Variants in EXOC6 observed in about 807,000 individuals in gnomAD.
The protein encoded by EXOC6 is exocyst complex component 6, also known as SEC15-like 1.
Under a neutral mutation model 112.5 loss-of-function variants are expected in EXOC6, and 60 were observed. The ratio of observed to expected loss-of-function variants is 0.53; its 90% CI spans 0.43 to 0.66. EXOC6 has a LOEUF of 0.66. Among genes scored for constraint, EXOC6 ranks in the 30% least tolerant of loss-of-function variants. EXOC6 has a pLI of 0.00. For missense variants in EXOC6, 855 were observed against 957.1 expected (o/e 0.89, Z 1.41); for synonymous variants, 295 against 308.0 (o/e 0.96, Z 0.44).
chr10:92,836,225 G>A (rs1488645132), intron 1 of EXOC6, among the ~76,000 whole-genome samples: 6 of 152,148 alleles, frequency 3.9e-5, no homozygotes, highest in Admixed American at 3.9e-4. Flanking sequence ...TCACAACACT[G>A]GCCAACATCT....
At chr10:93,011,520 C>T (rs1844246475) in intron 19 of EXOC6, among the ~76,000 whole-genome samples, 1 of 151,868 alleles carries the variant, frequency 6.6e-6, no homozygotes, top group Admixed American at 6.6e-5. Flanking sequence ...CTTGGCTTCC[C>T]AAAATACTAG....
chr10:92,882,898 G>A (rs2133774303), intron 1 of EXOC6, among the ~76,000 whole-genome samples: 1 of 152,268 alleles, frequency 6.6e-6, no homozygotes, highest in Middle Eastern at 3.4e-3. Flanking sequence ...AGATTTACTA[G>A]AAACAACATG....
intron 13 of EXOC6, 39 bp from the exon 14 acceptor site, chr10:92,948,235 C>T: frequency 7.6e-7 from 1 of 1,322,446 alleles, no homozygotes; most frequent in South Asian, 1.3e-5. Flanking sequence ...TAATAATATG[C>T]TTTGTAATGA....
rs772225446 is a variant in EXOC6 at position 92,934,370 on chromosome 10, C to A, written c.1080C>A (p.Tyr360Ter). ...CCCAAGGATTAGTAACCAGGGCATACACTGATGAACTTTGGAACATGGCCC... is the reference window on the plus strand; with the variant it reads ...CCCAAGGATTAGTAACCAGGGCATAAACTGATGAACTTTGGAACATGGCCC... ...HVTQGLVTRAYTDELWNMALS... is the reference protein window; with the variant it reads ...HVTQGLVTRA Residue 360 changes from tyrosine (Y) to a stop codon, truncating the protein, a stop_gained, in exon 11 of 22, where the codon TAC (tyrosine) becomes TAA (stop). Coordinates refer to ENST00000260762, the MANE Select transcript of EXOC6 (RefSeq NM_019053.6). LOFTEE classifies it high-confidence loss of function. The A allele has an allele frequency of 6.2e-7, 1 of 1,604,964 alleles. No homozygotes were observed.
At chr10:92,858,027 C>T (rs1159886955) in intron 1 of EXOC6, among the ~76,000 whole-genome samples, 1 of 137,914 alleles carries the variant, frequency 7.3e-6, no homozygotes, top group African/African-American at 2.7e-5. Flanking sequence ...CGGGTTCCCC[C>T]CCTCCGCCGG....
chr10:92,933,993 ATTTACAGATATATCCC>A lies in EXOC6; in HGVS notation c.973-149_973-134del, dbSNP rs1589859473. 35 of 508,938 alleles carry A rather than the reference ATTTACAGATATATCCC, an allele frequency of 6.9e-5. No individual in the cohort carries two copies. The East Asian group carries it at 1.1e-3, about 17-fold the overall frequency. 31.5% of individuals were successfully genotyped at this position (508,938 alleles called of 1,614,324 possible). A position where few individuals can be genotyped will look rare whatever the true frequency, so the allele number is the denominator to read the frequency against. On this transcript the variant is annotated intron_variant, in intron 9 of 21. Transcript: ENST00000260762. ...TCCATGAGAGTAAGGACTTTTTGTT[ATTTACAGATATATCCC>A]TGGTACCTAAAAATGTACGTGGCAT...
At chr10:92,827,354 G>T (rs1846401500) in intron 1 of EXOC6, among the ~76,000 whole-genome samples, 1 of 151,358 alleles carries the variant, frequency 6.6e-6, no homozygotes, top group Non-Finnish European at 1.5e-5. Context: ...TATTCCTGTG[G>T]TTTCAGCTAC....
chr10:93,055,047 G>C (rs1846475787), intron 20 of EXOC6, among the ~76,000 whole-genome samples: 1 of 151,952 alleles, frequency 6.6e-6, no homozygotes, highest in African/African-American at 2.4e-5. Context: ...TCATTATGTT[G>C]CCCAGGGTGG....
chr10:92,896,181 ATTTTTTTTTTTTT>A lies in EXOC6; in HGVS notation c.412+1185_412+1197del, dbSNP rs58783356. On this transcript the variant is annotated intron_variant, in intron 4 of 21. Coordinates refer to ENST00000260762, the MANE Select transcript of EXOC6 (RefSeq NM_019053.6). ...TATATATATATATATATATATATAT[ATTTTTTTTTTTTT>A]TTTTTTTTTTTTTTTTTTTTTTTGG... Among the ~76,000 whole-genome samples the A allele has an allele frequency of 3.9e-3, 40 of 10,222 alleles. 1 individual carries two copies. Among genetic ancestry groups the A allele is most frequent in the African/African-American group, 8.5e-3 (12 of 1,408 alleles). The allele number at this position is 10,222 out of a possible 152,430, so 6.7% of individuals were successfully genotyped here.
intron 13 of EXOC6, among the ~76,000 whole-genome samples, chr10:92,943,209 G>C (rs1303007547): frequency 6.6e-6 from 1 of 151,870 alleles, no homozygotes; most frequent in Non-Finnish European, 1.5e-5. Flanking sequence ...TAGTAGAAAT[G>C]GTGTTTCGCC....
At chr10:93,015,237 C>T (rs1193648533) in intron 20 of EXOC6, among the ~76,000 whole-genome samples, 1 of 152,148 alleles carries the variant, frequency 6.6e-6, no homozygotes, top group Non-Finnish European at 1.5e-5. Context: ...CCAGTTTGAG[C>T]AGTTAAGAAA....
chr10:92,916,585 A>C (rs1851102455), intron 7 of EXOC6, among the ~76,000 whole-genome samples: 1 of 152,170 alleles, frequency 6.6e-6, no homozygotes, highest in African/African-American at 2.4e-5. Context: ...TAACTCCAAA[A>C]TTACAAGTCC....
Position 93,058,377 on chromosome 10 carries a change from G to C in EXOC6, c.*22G>C. On this transcript the variant is annotated 3_prime_UTR_variant, in exon 22 of 22. Transcript: ENST00000260762. ...GTAGACCTCACATGGCTTGCACTCA[G>C]TGACACCAAATCCATGATTCAATGT... The C allele has an allele frequency of 6.4e-7, 1 of 1,568,428 alleles. No homozygotes were observed. The highest frequency in any genetic ancestry group is 8.6e-7 in the Non-Finnish European group (1 of 1,162,252).
At chr10:92,960,825 G>T (rs1199876808) in intron 17 of EXOC6, among the ~76,000 whole-genome samples, 2 of 151,848 alleles carry the variant, frequency 1.3e-5, no homozygotes. Flanking sequence ...CAGGAGTTGG[G>T]GTATTTCATT....
intron 1 of EXOC6, among the ~76,000 whole-genome samples, chr10:92,829,196 CATG>C (rs1846432890): frequency 6.6e-6 from 1 of 152,086 alleles, no homozygotes; most frequent in Non-Finnish European, 1.5e-5. Flanking sequence ...AGCCCATTTG[CATG>C]ATAAGATTAG....
chr10:93,003,291 G>A (rs1478997707), intron 19 of EXOC6, among the ~76,000 whole-genome samples: 2 of 152,128 alleles, frequency 1.3e-5, no homozygotes, highest in African/African-American at 2.4e-5. Flanking sequence ...ATGTAGTGGG[G>A]GAGGTGGAAA....
At chr10:93,030,983 G>A (rs965759374) in intron 20 of EXOC6, among the ~76,000 whole-genome samples, 1 of 152,132 alleles carries the variant, frequency 6.6e-6, no homozygotes, top group Non-Finnish European at 1.5e-5. Context: ...ACTATTTAGT[G>A]TACTAAAAAT....
intron 11 of EXOC6, among the ~76,000 whole-genome samples, chr10:92,935,295 G>T (rs1227003521): frequency 6.6e-6 from 1 of 151,804 alleles, no homozygotes; most frequent in Non-Finnish European, 1.5e-5. Context: ...TATATTTCCT[G>T]TTAATTCCAT....
intron 18 of EXOC6, among the ~76,000 whole-genome samples, chr10:92,994,984 G>A (rs981089014): frequency 2.0e-5 from 3 of 151,724 alleles, no homozygotes; most frequent in Non-Finnish European, 2.9e-5. Context: ...TAATCTTATG[G>A]AATATAACTT....
Sources: gnomAD v4.1 joint callset for allele counts (sites outside exome capture counted in the v4.1 genomes callset) on GRCh38, gnomAD v4.1.1 for gene constraint, MANE v1.5 for transcripts, NCBI Gene and HGNC (gene_info 2026-07-23, HGNC 2026-07-21) for gene names.